Variants in ROS1 observed in about 807,000 individuals in gnomAD.
ROS1 encodes the protein ROS proto-oncogene 1, receptor tyrosine kinase, also known as proto-oncogene tyrosine-protein kinase ROS.
A neutral mutation model predicts 273.5 loss-of-function variants in ROS1; 263 were observed. The observed-to-expected ratio is 0.96, with a 90% confidence interval of 0.87 to 1.06. The LOEUF is 1.06. ROS1 is among the 50% of genes least tolerant of loss of function. The pLI, the probability that ROS1 is intolerant of heterozygous loss-of-function variation, is 0.00. For missense variants in ROS1, 2,833 were observed against 2,751.1 expected, an observed-to-expected ratio of 1.03 and a Z score of -0.67; for synonymous variants, 1,008 against 954.1, an observed-to-expected ratio of 1.06 and a Z score of -1.04.
At chr6:117,329,740 A>ACGGGGAAGGGGAACCCCCT (rs1554227422) in intron 32 of ROS1, among the ~76,000 whole-genome samples, 3 of 152,070 alleles carry the variant, frequency 2.0e-5, no homozygotes, top group Non-Finnish European at 2.9e-5. Flanking sequence ...TGAGAACCAC[A>ACGGGGAAGGGGAACCCCCT]CGGGGAAGGG....
intron 24 of ROS1, among the ~76,000 whole-genome samples, chr6:117,358,964 T>C (rs1229976995): frequency 6.6e-6 from 1 of 152,130 alleles, no homozygotes; most frequent in Non-Finnish European, 1.5e-5. Context: ...AATGACCCAC[T>C]AAATATCTTT....
chr6:117,415,149 A>C (rs35562167), intron 3 of ROS1, among the ~76,000 whole-genome samples: 8,216 of 152,282 alleles, frequency 0.054, 268 homozygotes, highest in Middle Eastern at 0.092. Flanking sequence ...AACTAGACAA[A>C]TTATTTGTTT....
At position 117,403,212 on chromosome 6, in the gene ROS1, C is replaced by G. The variant is rs1469079430; in HGVS notation, c.531G>C (p.Val177=). 6.2e-7 allele frequency: 1 copy of G among 1,612,130 alleles called. No homozygotes were observed. The highest frequency in any genetic ancestry group is 8.5e-7 in the Non-Finnish European group (1 of 1,179,608). Residue 177 remains valine (V), a synonymous_variant, in exon 7 of 44, where the codon GTG becomes GTC. Transcript: ENST00000368507. The stretch of plus-strand genomic sequence containing the variant: ...GCAGCTGCGCTGTGAAGATCCAAAC[C>G]ACTCGGAAAATGTACTCAGTGAAGG... ...LHPFTEYIFR[V]VWIFTAQLQL... is the part of the protein sequence containing the mutation.
intron 39 of ROS1, among the ~76,000 whole-genome samples, chr6:117,313,696 A>G (rs1167453565): frequency 2.0e-5 from 3 of 152,192 alleles, no homozygotes; most frequent in Non-Finnish European, 4.4e-5. Flanking sequence ...AGCTGCAGTC[A>G]ATTCTTAGGC....
chr6:117,295,231 C>G (rs1349718019), intron 43 of ROS1, among the ~76,000 whole-genome samples: 6 of 152,076 alleles, frequency 3.9e-5, no homozygotes, highest in Non-Finnish European at 7.4e-5. Flanking sequence ...AGAACATCTA[C>G]TGGGGAAAAG....
At chr6:117,340,555 A>C (rs936684036) in intron 31 of ROS1, among the ~76,000 whole-genome samples, 4 of 152,330 alleles carry the variant, frequency 2.6e-5, no homozygotes, top group Non-Finnish European at 2.9e-5. Flanking sequence ...ATAAAAGTCA[A>C]TGTAGGCTTT....
At chr6:117,388,778 T>C (rs1415580424) in intron 13 of ROS1, among the ~76,000 whole-genome samples, 1 of 152,232 alleles carries the variant, frequency 6.6e-6, no homozygotes, top group African/African-American at 2.4e-5. Context: ...TGTGTTTTAA[T>C]TTTATCTGTA....
chr6:117,416,285 TA>T lies in ROS1; in HGVS notation c.200del (p.Val67GlufsTer8). The T allele has an allele frequency of 6.2e-7, 1 of 1,600,056 alleles. No homozygotes were observed. The highest frequency in any genetic ancestry group is 1.1e-5 in the South Asian group (1 of 90,778). ...ACTTTAAAGCACAGTTTTTCTGATC[TA>T]CAGAGTTCCAAAAGTGACATCCTTG... The part of the protein sequence containing the change: ...CIQGCHFWNS[V>X]DQKNCALKCN... On this transcript the variant is annotated frameshift_variant, in exon 3 of 44. Coordinates refer to ENST00000368507, the MANE Select transcript of ROS1 (RefSeq NM_001378902.1). LOFTEE classifies it high-confidence loss of function.
At position 117,397,091 on chromosome 6, in the gene ROS1, C is replaced by G. The variant is rs1296913853; in HGVS notation, c.630G>C (p.Arg210Ser). ...HGVPETAPLI[R>S]NIESSSPDTV... Reference sequence around the variant, plus strand: ...TGTCGGGACTTGAGCTCTCAATATTCCTAATCAAAGGTGCAGTTTCAGGAA... The same window carrying G: ...TGTCGGGACTTGAGCTCTCAATATTGCTAATCAAAGGTGCAGTTTCAGGAA... Residue 210 changes from arginine to serine, a missense_variant, in exon 8 of 44, where the codon AGG (arginine) becomes AGC (serine). Arg to Ser is a moderately radical substitution (Grantham distance 110). Transcript: ENST00000368507. 1 of 1,613,300 alleles carries G rather than the reference C, an allele frequency of 6.2e-7. No homozygotes were observed.
At chr6:117,298,082 T>C (rs1774394022) in intron 43 of ROS1, among the ~76,000 whole-genome samples, 1 of 152,140 alleles carries the variant, frequency 6.6e-6, no homozygotes, top group Non-Finnish European at 1.5e-5. Flanking sequence ...TGGATGAAAC[T>C]GGAGGCAATT....
At chr6:117,324,034 A>T (rs1458354281) in intron 35 of ROS1, among the ~76,000 whole-genome samples, 5 of 152,224 alleles carry the variant, frequency 3.3e-5, no homozygotes, top group Admixed American at 3.3e-4. Context: ...TATGCAGCCA[A>T]TCAGAAATAA....
At chr6:117,406,818 C>T (rs1774442836) in intron 5 of ROS1, among the ~76,000 whole-genome samples, 1 of 152,148 alleles carries the variant, frequency 6.6e-6, no homozygotes. Context: ...ATATTTATTT[C>T]ATCTTTAAAT....
intron 1 of ROS1, among the ~76,000 whole-genome samples, chr6:117,423,700 G>GGCTT: frequency 7.2e-6 from 1 of 139,286 alleles, no homozygotes; most frequent in African/African-American, 2.8e-5. Context: ...TTCTTGTGGT[G>GGCTT]ACTTTTTTTT....
intron 39 of ROS1, among the ~76,000 whole-genome samples, chr6:117,315,568 T>G (rs1214433738): frequency 6.6e-6 from 1 of 152,154 alleles, no homozygotes; most frequent in Non-Finnish European, 1.5e-5. Flanking sequence ...TGGCTTTATC[T>G]GTTAGATAAA....
chr6:117,414,440 C>A, intron 4 of ROS1, 79 bp downstream of exon 4: 1 of 712,358 alleles, frequency 1.4e-6, no homozygotes, highest in Non-Finnish European at 2.5e-6. Flanking sequence ...GTTTCTTCAC[C>A]CCTATTTTAA....
intron 43 of ROS1, among the ~76,000 whole-genome samples, chr6:117,298,085 A>G (rs1344914720): frequency 6.6e-6 from 1 of 152,182 alleles, no homozygotes; most frequent in Non-Finnish European, 1.5e-5. Flanking sequence ...ATGAAACTGG[A>G]GGCAATTATC....
At chr6:117,404,175 C>G (rs1043157524) in intron 6 of ROS1, 105 bp downstream of exon 6, 30 of 1,024,300 alleles carry the variant, frequency 2.9e-5, no homozygotes, top group African/African-American at 9.9e-5. Context: ...AAGCTGAGAT[C>G]GCGCCACTGC....
At chr6:117,312,597 G>A (rs1266864377) in intron 39 of ROS1, among the ~76,000 whole-genome samples, 3 of 152,028 alleles carry the variant, frequency 2.0e-5, no homozygotes, top group African/African-American at 7.2e-5. Flanking sequence ...TCTAGGCCTA[G>A]GATCCTACTC....
Position 117,344,216 on chromosome 6 carries a change from TA to T in ROS1, c.4349del (p.Ile1450AsnfsTer48). 6.2e-7 allele frequency: 1 copy of T among 1,614,046 alleles called. No individual in the cohort carries two copies. Among genetic ancestry groups the T allele is most frequent in the Non-Finnish European group, 8.5e-7 (1 of 1,179,960 alleles). On this transcript the variant is annotated frameshift_variant, in exon 28 of 44. Coordinates refer to ENST00000368507, the MANE Select transcript of ROS1 (RefSeq NM_001378902.1). LOFTEE classifies it high-confidence loss of function. The part of the protein sequence containing the change: ...SLASDTVEPT[I>X]LNATNTSLTI... The stretch of plus-strand genomic sequence containing the variant: ...TGAGGCTAGTGTTAGTGGCATTAAG[TA>T]TAGTTGGTTCCACAGTGTCTGAAGC...
Sources: allele counts gnomAD v4.1 joint callset (sites outside exome capture counted in the v4.1 genomes callset), GRCh38; gene constraint gnomAD v4.1.1; transcripts MANE v1.5; gene names NCBI Gene and HGNC (gene_info 2026-07-23, HGNC 2026-07-21).